Variants in TMTC1 observed in about 807,000 individuals in gnomAD.
TMTC1 encodes transmembrane O-mannosyltransferase targeting cadherins 1.
TMTC1 carries 73 observed loss-of-function variants against 104.8 expected under a neutral mutation model. The ratio of observed to expected loss-of-function variants is 0.70; its 90% CI spans 0.58 to 0.85. The LOEUF is 0.85. TMTC1 is among the 40% of genes least tolerant of loss of function. The pLI is 0.00. For missense variants in TMTC1, 1,035 were observed against 1,096.1 expected, an observed-to-expected ratio of 0.94 and a Z score of 0.79; for synonymous variants, 434 against 428.7, an observed-to-expected ratio of 1.01 and a Z score of -0.15.
chr12:29,650,331 C>T (rs1343593115), intron 5 of TMTC1, among the ~76,000 whole-genome samples: 2 of 151,994 alleles, frequency 1.3e-5, no homozygotes, highest in Admixed American at 1.3e-4. Context: ...GTGATCTGCC[C>T]GCCTAAGCCT....
At chr12:29,522,983 A>G (rs939647531) in intron 11 of TMTC1, among the ~76,000 whole-genome samples, 1 of 152,184 alleles carries the variant, frequency 6.6e-6, no homozygotes, top group East Asian at 1.9e-4. Flanking sequence ...TCATAGCTAC[A>G]TGGGGACAGA....
chr12:29,643,499 TTA>T (rs529787121), intron 5 of TMTC1, among the ~76,000 whole-genome samples: 694 of 69,006 alleles, frequency 0.01, 8 homozygotes, highest in Non-Finnish European at 0.015. Flanking sequence ...ATATTATATA[TTA>T]TATATTTTAT....
intron 5 of TMTC1, among the ~76,000 whole-genome samples, chr12:29,683,892 G>A (rs1941006095): frequency 6.6e-6 from 1 of 151,138 alleles, no homozygotes; most frequent in Admixed American, 6.6e-5. Context: ...ACCTAGCCAT[G>A]GAGTACAGTG....
intron 14 of TMTC1, 130 bp downstream of exon 14, chr12:29,517,297 G>A: frequency 1.1e-6 from 1 of 939,860 alleles, no homozygotes; most frequent in Non-Finnish European, 1.6e-6. Context: ...TCTAACATTA[G>A]CTGTATGAAT....
intron 10 of TMTC1, among the ~76,000 whole-genome samples, chr12:29,554,083 G>A (rs766038925): frequency 4.6e-5 from 7 of 152,248 alleles, no homozygotes; most frequent in Non-Finnish European, 7.4e-5. Context: ...TAACCAGTAC[G>A]TTATTTGGGC....
At chr12:29,698,609 T>C (rs1941492822) in intron 5 of TMTC1, among the ~76,000 whole-genome samples, 1 of 152,200 alleles carries the variant, frequency 6.6e-6, no homozygotes, top group African/African-American at 2.4e-5. Context: ...GGGATCTTTG[T>C]TCTTCACCTG....
At chr12:29,581,443 C>T (rs1945977785) in intron 8 of TMTC1, among the ~76,000 whole-genome samples, 1 of 152,150 alleles carries the variant, frequency 6.6e-6, no homozygotes, top group Non-Finnish European at 1.5e-5. Flanking sequence ...GTTGCAAAAT[C>T]TCTTTAAGCA....
rs183277928 is a variant in TMTC1 at position 29,562,988 on chromosome 12, T to C, written c.1533-5988A>G. 3.3e-5 allele frequency among the ~76,000 whole-genome samples: 5 copies of C among 152,308 alleles called. No homozygotes were observed. In the East Asian group the frequency reaches 9.7e-4, roughly 29 times the overall value. On this transcript the variant is annotated intron_variant, in intron 9 of 17. Transcript: ENST00000539277. Reference sequence around the variant, plus strand: ...GCTGATAGCTTTCAACTTGCTCCCATCAGTCAAAATTACACCCATTATTTC... The same window carrying C: ...GCTGATAGCTTTCAACTTGCTCCCACCAGTCAAAATTACACCCATTATTTC...
intron 8 of TMTC1, among the ~76,000 whole-genome samples, chr12:29,573,204 A>G (rs1945730074): frequency 6.6e-6 from 1 of 152,110 alleles, no homozygotes; most frequent in African/African-American, 2.4e-5. Context: ...TCAACAATGG[A>G]GGGTGATAAA....
At chr12:29,553,920 T>C (rs1279723003) in intron 10 of TMTC1, among the ~76,000 whole-genome samples, 1 of 152,216 alleles carries the variant, frequency 6.6e-6, no homozygotes, top group Non-Finnish European at 1.5e-5. Flanking sequence ...CATATTATGA[T>C]CATAACTGTA....
chr12:29,709,735 T>C (rs963500975), intron 5 of TMTC1, among the ~76,000 whole-genome samples: 3 of 152,240 alleles, frequency 2.0e-5, no homozygotes, highest in African/African-American at 7.2e-5. Context: ...TTTCTAGATA[T>C]GCCTCTGCTT....
In TMTC1 at chr12:29,758,910, T is replaced by C. The variant is rs994546498; in HGVS notation, c.481-133A>G. The C allele has an allele frequency of 1.3e-5, 10 of 767,432 alleles. 1 individual carries two copies. The Admixed American group carries it at 3.3e-4, about 25-fold the overall frequency. 47.5% of individuals were successfully genotyped at this position (767,432 alleles called of 1,614,324 possible). On this transcript the variant is annotated intron_variant, in intron 2 of 17. Transcript: ENST00000539277. ...TAATAAAATAGAAATCTCACTGTTC[T>C]TCAAGTTCTGATATATGGCTAAGCA...
intron 6 of TMTC1, among the ~76,000 whole-genome samples, chr12:29,610,889 A>T (rs1199993426): frequency 1.3e-5 from 2 of 152,252 alleles, no homozygotes; most frequent in Non-Finnish European, 2.9e-5. Context: ...CAGGCTGGTG[A>T]TATCATTTCC....
chr12:29,563,502 T>C (rs549667749), intron 9 of TMTC1, among the ~76,000 whole-genome samples: 13 of 152,202 alleles, frequency 8.5e-5, no homozygotes, highest in African/African-American at 2.2e-4. Flanking sequence ...AGTGGGTATG[T>C]TTTGAATACC....
intron 6 of TMTC1, among the ~76,000 whole-genome samples, chr12:29,621,398 A>C (rs909058105): frequency 2.0e-5 from 3 of 152,246 alleles, no homozygotes; most frequent in African/African-American, 7.2e-5. Flanking sequence ...ATGGTAGTAC[A>C]ATGTTGTACC....
chr12:29,588,793 G>A (rs11050309), intron 7 of TMTC1, among the ~76,000 whole-genome samples: 2,295 of 152,178 alleles, frequency 0.015, 44 homozygotes, highest in African/African-American at 0.052. Context: ...GTGCCACGCC[G>A]ATACATCCTT....
At chr12:29,522,554 A>G (rs988779868) in intron 11 of TMTC1, among the ~76,000 whole-genome samples, 10 of 148,716 alleles carry the variant, frequency 6.7e-5, no homozygotes, top group African/African-American at 1.2e-4. Flanking sequence ...AGGACTGACA[A>G]TGTGTGTGTG....
At chr12:29,639,267 T>C (rs896871557) in intron 5 of TMTC1, among the ~76,000 whole-genome samples, 1 of 152,088 alleles carries the variant, frequency 6.6e-6, no homozygotes, top group Non-Finnish European at 1.5e-5. Context: ...GATAGATTAA[T>C]GAGAAATGGA....
intron 8 of TMTC1, 83 bp from the exon 9 acceptor site, chr12:29,572,301 A>T (rs1433915166): frequency 2.2e-5 from 26 of 1,190,300 alleles, no homozygotes; most frequent in Non-Finnish European, 3.2e-5. Context: ...CAGTTTCATG[A>T]ACCTGTATTT....
Sources: gnomAD v4.1 joint callset for allele counts (sites outside exome capture counted in the v4.1 genomes callset) on GRCh38, gnomAD v4.1.1 for gene constraint, MANE v1.5 for transcripts, NCBI Gene and HGNC (gene_info 2026-07-23, HGNC 2026-07-21) for gene names.